CTCF: variants seen among roughly 807,000 people sequenced by gnomAD.
The protein encoded by CTCF is transcriptional repressor CTCF.
CTCF carries 7 observed loss-of-function variants against 72.3 expected under a neutral mutation model. The ratio of observed to expected loss-of-function variants is 0.10; its 90% CI spans 0.06 to 0.18. The LOEUF is 0.18. CTCF is among the 10% of genes least tolerant of loss of function. CTCF has a pLI of 1.00. For synonymous variants in CTCF, 374 were observed against 315.8 expected (o/e 1.18, Z -1.95); for missense variants, 516 against 949.1 (o/e 0.54, Z 6.00).
In CTCF at chr16:67,631,294, A is replaced by G. The variant is rs1316518560; in HGVS notation, c.1837+1761A>G. Among the ~76,000 whole-genome samples, 5 of 151,748 alleles carry G rather than the reference A, an allele frequency of 3.3e-5. No individual in the cohort carries two copies. The East Asian group carries it at 9.7e-4, about 29-fold the overall frequency. On this transcript the variant is annotated intron_variant, in intron 10 of 11. Coordinates refer to ENST00000264010, the MANE Select transcript of CTCF (RefSeq NM_006565.4). ...GATTTTCCTGCTCAGCTTCCCAGGT[A>G]GCTGGGATTACAGGCATGCCCCACC...
At chr16:67,626,522 C>T (rs1285489791) in intron 7 of CTCF, 33 bp from the exon 8 acceptor site, 1 of 1,303,038 alleles carries the variant, frequency 7.7e-7, no homozygotes, top group Non-Finnish European at 1.0e-6. Context: ...TTTGTGTTTT[C>T]ACATTACCCT....
At position 67,637,303 on chromosome 16, in the gene CTCF, G is replaced by T. The variant is rs189970885; in HGVS notation, c.2000-385G>T. 6.6e-5 allele frequency among the ~76,000 whole-genome samples: 10 copies of T among 152,286 alleles called. No homozygotes were observed. In the East Asian group the frequency reaches 1.5e-3, roughly 24 times the overall value. ...TCCCAGCACTTTGGGGGGCCAAGGCGGGAGGATCACCTGAGGTCAGTAGTT... is the reference window on the plus strand; with the variant it reads ...TCCCAGCACTTTGGGGGGCCAAGGCTGGAGGATCACCTGAGGTCAGTAGTT... On this transcript the variant is annotated intron_variant, in intron 11 of 11. Coordinates refer to ENST00000264010, the MANE Select transcript of CTCF (RefSeq NM_006565.4).
chr16:67,626,183 T>C (rs1404774657), intron 7 of CTCF, among the ~76,000 whole-genome samples: 3 of 152,070 alleles, frequency 2.0e-5, no homozygotes, highest in Non-Finnish European at 4.4e-5. Context: ...CTCACACCTA[T>C]AATTCCAGCA....
At chr16:67,632,762 T>G (rs2052381841) in intron 10 of CTCF, among the ~76,000 whole-genome samples, 1 of 152,240 alleles carries the variant, frequency 6.6e-6, no homozygotes, top group Non-Finnish European at 1.5e-5. Flanking sequence ...CTTGACACAC[T>G]GCCACCTATC....
chr16:67,618,443 ACT>A (rs1161012832), intron 5 of CTCF, among the ~76,000 whole-genome samples: 1 of 152,174 alleles, frequency 6.6e-6, no homozygotes, highest in Non-Finnish European at 1.5e-5. Flanking sequence ...TGTATAATAA[ACT>A]CATCCTAATT....
chr16:67,572,093 CTTATGT>C (rs1384705044), intron 2 of CTCF, among the ~76,000 whole-genome samples: 1 of 152,108 alleles, frequency 6.6e-6, no homozygotes. Flanking sequence ...ATTAGATAAG[CTTATGT>C]GAATGAATCA....
intron 4 of CTCF, chr16:67,615,296 G>T (rs960752655): frequency 6.6e-6 from 1 of 152,182 alleles, no homozygotes; most frequent in Non-Finnish European, 1.5e-5. Flanking sequence ...AGGTAAACAC[G>T]AGCATTTATT....
chr16:67,565,527 A>T (rs964992200), intron 1 of CTCF, among the ~76,000 whole-genome samples: 1 of 151,986 alleles, frequency 6.6e-6, no homozygotes, highest in African/African-American at 2.4e-5. Context: ...ACAAAAAATT[A>T]GCCAGGCATG....
chr16:67,606,292 C>CA (rs879477667), intron 2 of CTCF, among the ~76,000 whole-genome samples: 6 of 152,214 alleles, frequency 3.9e-5, no homozygotes, highest in Non-Finnish European at 5.9e-5. Flanking sequence ...CCTCCACTGT[C>CA]AAACTCTGCC....
chr16:67,587,275 A>G (rs1597692196), intron 2 of CTCF, among the ~76,000 whole-genome samples: 1 of 151,800 alleles, frequency 6.6e-6, no homozygotes, highest in Admixed American at 6.6e-5. Context: ...AATTTTCTTG[A>G]TTGTTGTCGA....
intron 1 of CTCF, among the ~76,000 whole-genome samples, chr16:67,570,472 G>A (rs1054439789): frequency 2.7e-5 from 4 of 150,180 alleles, no homozygotes; most frequent in Admixed American, 6.6e-5. Context: ...TTTTTGAGAC[G>A]GAGTCTCGCT....
chr16:67,596,275 C>G (rs1302016150), intron 2 of CTCF, among the ~76,000 whole-genome samples: 2 of 152,128 alleles, frequency 1.3e-5, no homozygotes, highest in Admixed American at 6.6e-5. Flanking sequence ...TCAAAACAAC[C>G]ATAGCAGTTT....
chr16:67,611,839 A>G (rs1597714308), intron 3 of CTCF, 112 bp from the exon 4 acceptor site: 9 of 1,037,508 alleles, frequency 8.7e-6, no homozygotes, highest in East Asian at 7.5e-5. Flanking sequence ...TATGACTTAT[A>G]TTGGGTTTTG....
intron 2 of CTCF, among the ~76,000 whole-genome samples, chr16:67,604,582 C>T (rs1293203102): frequency 6.6e-6 from 1 of 152,088 alleles, no homozygotes; most frequent in East Asian, 1.9e-4. Flanking sequence ...ACCTCATGAT[C>T]CACCTGCCTT....
intron 8 of CTCF, 112 bp from the exon 9 acceptor site, chr16:67,628,258 G>C (rs1324523972): frequency 3.3e-6 from 3 of 913,520 alleles, no homozygotes; most frequent in Non-Finnish European, 5.0e-6. Context: ...GCCGTGTGGA[G>C]TCTAGACCTA....
At chr16:67,606,799 G>A (rs1296208640) in intron 2 of CTCF, among the ~76,000 whole-genome samples, 2 of 130,572 alleles carry the variant, frequency 1.5e-5, no homozygotes, top group Admixed American at 1.8e-4. Context: ...CACTCTTATC[G>A]CCCAGGCTCC....
At chr16:67,575,128 A>C (rs1324354953) in intron 2 of CTCF, among the ~76,000 whole-genome samples, 4 of 152,286 alleles carry the variant, frequency 2.6e-5, no homozygotes, top group South Asian at 2.1e-4. Flanking sequence ...GCATGCCTGT[A>C]GTCCTAGCTA....
intron 2 of CTCF, among the ~76,000 whole-genome samples, chr16:67,574,445 A>AG: frequency 6.6e-6 from 1 of 151,482 alleles, no homozygotes; most frequent in South Asian, 2.1e-4. Flanking sequence ...AGGTTCAAGC[A>AG]GTTCTCCTGC....
At chr16:67,585,157 C>T (rs2051652817) in intron 2 of CTCF, among the ~76,000 whole-genome samples, 1 of 152,210 alleles carries the variant, frequency 6.6e-6, no homozygotes, top group Admixed American at 6.5e-5. Flanking sequence ...TTAAGCAGTT[C>T]TCCTGCCTCA....
Sources: allele counts gnomAD v4.1 joint callset (sites outside exome capture counted in the v4.1 genomes callset), GRCh38; gene constraint gnomAD v4.1.1; transcripts MANE v1.5; gene names NCBI Gene and HGNC (gene_info 2026-07-23, HGNC 2026-07-21).